The following ITGA8 variants were observed in gnomAD, a reference collection of about 807,000 sequenced individuals.
The protein encoded by ITGA8 is integrin subunit alpha 8.
Under a neutral mutation model 142.3 loss-of-function variants are expected in ITGA8, and 91 were observed. The observed-to-expected ratio is 0.64, with a 90% CI of 0.54 to 0.76. ITGA8 has a LOEUF of 0.76. Among genes scored for constraint, ITGA8 ranks in the 30% least tolerant of loss-of-function variants. The probability of loss-of-function intolerance (pLI) is 0.00; values close to 1 mark genes in which losing one functional copy is unlikely to be tolerated. For missense variants in ITGA8, 1,406 were observed against 1,327.7 expected (o/e 1.06, Z -0.92); for synonymous variants, 505 against 485.2 (o/e 1.04, Z -0.54).
At chr10:15,696,778 A>C (rs1331243358) in intron 2 of ITGA8, among the ~76,000 whole-genome samples, 1 of 149,220 alleles carries the variant, frequency 6.7e-6, no homozygotes, top group Non-Finnish European at 1.5e-5. Flanking sequence ...GGATCGCTTG[A>C]GGCAGGAGTT....
intron 23 of ITGA8, among the ~76,000 whole-genome samples, chr10:15,582,095 T>A (rs1426843796): frequency 6.6e-6 from 1 of 152,094 alleles, no homozygotes; most frequent in Non-Finnish European, 1.5e-5. Flanking sequence ...AAACATTAAC[T>A]CAGCATGGTG....
chr10:15,553,494 A>T (rs1235582693), intron 26 of ITGA8, among the ~76,000 whole-genome samples: 2 of 152,174 alleles, frequency 1.3e-5, no homozygotes, highest in African/African-American at 2.4e-5. Context: ...CACACCTTTT[A>T]AAGCCATTTT....
chr10:15,706,247 C>T (rs889166437), intron 2 of ITGA8, among the ~76,000 whole-genome samples: 1 of 152,096 alleles, frequency 6.6e-6, no homozygotes, highest in Non-Finnish European at 1.5e-5. Context: ...CACTCTTCAT[C>T]TGATCCATAA....
chr10:15,613,641 A>G lies in ITGA8; in HGVS notation c.1553+19T>C. 1 of 1,501,038 alleles carries G rather than the reference A, an allele frequency of 6.7e-7. No homozygotes were observed. The highest frequency in any genetic ancestry group is 9.3e-7 in the Non-Finnish European group (1 of 1,077,426). 93.0% of individuals were successfully genotyped at this position (1,501,038 alleles called of 1,614,324 possible). On this transcript the variant is annotated intron_variant, in intron 15 of 29. Coordinates refer to ENST00000378076, the MANE Select transcript of ITGA8 (RefSeq NM_003638.3). ...ATGTGAATTCACATTGGAGTTTGAGAAGCACCGGACTAACTCACCAGGCAG... is the reference window on the plus strand; with the variant it reads ...ATGTGAATTCACATTGGAGTTTGAGGAGCACCGGACTAACTCACCAGGCAG...
At chr10:15,535,039 TCC>T (rs1235006346) in intron 27 of ITGA8, among the ~76,000 whole-genome samples, 2 of 152,074 alleles carry the variant, frequency 1.3e-5, no homozygotes, top group Non-Finnish European at 2.9e-5. Flanking sequence ...CAGTGTGAGT[TCC>T]GCGGGTGAGT....
At chr10:15,664,368 T>C (rs1253199240) in intron 8 of ITGA8, among the ~76,000 whole-genome samples, 1 of 152,134 alleles carries the variant, frequency 6.6e-6, no homozygotes, top group Non-Finnish European at 1.5e-5. Flanking sequence ...AAAATGTTCT[T>C]TCAAAGGAAA....
At chr10:15,717,093 A>C (rs1646022304) in intron 2 of ITGA8, among the ~76,000 whole-genome samples, 1 of 152,218 alleles carries the variant, frequency 6.6e-6, no homozygotes, top group South Asian at 2.1e-4. Context: ...GAGTACTTAC[A>C]AAGTAAGTCA....
At chr10:15,703,914 A>G (rs991278425) in intron 2 of ITGA8, among the ~76,000 whole-genome samples, 1 of 152,078 alleles carries the variant, frequency 6.6e-6, no homozygotes, top group Non-Finnish European at 1.5e-5. Flanking sequence ...AGCCTTCTTC[A>G]CTTTCTGCTG....
chr10:15,678,143 T>C (rs1834667057), intron 5 of ITGA8, among the ~76,000 whole-genome samples: 1 of 152,076 alleles, frequency 6.6e-6, no homozygotes, highest in Admixed American at 6.6e-5. Context: ...TCACCTTTCG[T>C]GCCTCATATC....
At chr10:15,605,221 AAGCCCT>A (rs1833172966) in intron 19 of ITGA8, among the ~76,000 whole-genome samples, 1 of 152,162 alleles carries the variant, frequency 6.6e-6, no homozygotes, top group African/African-American at 2.4e-5. Flanking sequence ...GGCAACTGTG[AAGCCCT>A]TTGATTCGTT....
intron 2 of ITGA8, among the ~76,000 whole-genome samples, chr10:15,709,412 A>T (rs368619868): frequency 6.3e-4 from 96 of 152,358 alleles, no homozygotes; most frequent in African/African-American, 2.1e-3. Context: ...GGCGCACCCC[A>T]GAAGAAATGC....
chr10:15,535,945 C>A (rs975524096), intron 27 of ITGA8, among the ~76,000 whole-genome samples: 1 of 152,080 alleles, frequency 6.6e-6, no homozygotes, highest in Non-Finnish European at 1.5e-5. Context: ...CACAAACCCA[C>A]CGGGAGGAAC....
At chr10:15,667,058 T>C (rs1353460923) in intron 8 of ITGA8, among the ~76,000 whole-genome samples, 10 of 152,216 alleles carry the variant, frequency 6.6e-5, no homozygotes, top group Admixed American at 2.0e-4. Context: ...GGATTCCCTC[T>C]TTTTCTATTG....
chr10:15,663,131 G>GT (rs55721254), intron 8 of ITGA8, among the ~76,000 whole-genome samples: 104,895 of 151,934 alleles, frequency 0.69, 37,462 homozygotes, highest in South Asian at 0.85. Context: ...AGTGCTCACT[G>GT]TTTTTTAAAA....
intron 4 of ITGA8, among the ~76,000 whole-genome samples, chr10:15,679,836 A>AG (rs1169539562): frequency 1.3e-5 from 2 of 152,200 alleles, no homozygotes; most frequent in Non-Finnish European, 2.9e-5. Context: ...AAAAGTCTGT[A>AG]GGGCATTAGG....
At position 15,677,652 on chromosome 10, in the gene ITGA8, C is replaced by A; in HGVS notation, c.631-15G>T. 5 of 1,607,508 alleles carry A rather than the reference C, an allele frequency of 3.1e-6. No individual in the cohort carries two copies. Among genetic ancestry groups the A allele is most frequent in the Non-Finnish European group, 4.2e-6 (5 of 1,176,734 alleles). On this transcript the variant is annotated splice_polypyrimidine_tract_variant and intron_variant, in intron 5 of 29. Transcript: ENST00000378076. ...AGGTCTCCATTCTACAAAACAGAAA[C>A]AGCAACAGCAACCATAATTGGAAAA...
At chr10:15,638,589 A>C (rs919255574) in intron 13 of ITGA8, among the ~76,000 whole-genome samples, 7 of 152,236 alleles carry the variant, frequency 4.6e-5, no homozygotes, top group Non-Finnish European at 8.8e-5. Flanking sequence ...CAACCCCATC[A>C]TAACCCCATC....
intron 15 of ITGA8, among the ~76,000 whole-genome samples, chr10:15,609,128 C>T: frequency 6.6e-6 from 1 of 152,194 alleles, no homozygotes; most frequent in South Asian, 2.1e-4. Flanking sequence ...ATGATCTGCA[C>T]TTGGCTTTGG....
Position 15,516,393 on chromosome 10 carries a change from A to C in ITGA8, c.*765T>G, listed in dbSNP as rs1832961588. 1 of 152,222 alleles carries C rather than the reference A, an allele frequency of 6.6e-6. No individual in the cohort carries two copies. Among genetic ancestry groups the C allele is most frequent in the South Asian group, 2.1e-4 (1 of 4,838 alleles). 9.4% of individuals were successfully genotyped at this position (152,222 alleles called of 1,614,324 possible). A position where few individuals can be genotyped will look rare whatever the true frequency, so the allele number is the denominator to read the frequency against. Reference sequence around the variant, plus strand: ...TAAATAGAACTGATTCCTAATGCCAATCTTCCTTTCCTTAGCACTGTCTAA... The same window carrying C: ...TAAATAGAACTGATTCCTAATGCCACTCTTCCTTTCCTTAGCACTGTCTAA... On this transcript the variant is annotated 3_prime_UTR_variant, in exon 30 of 30. Coordinates refer to ENST00000378076, the MANE Select transcript of ITGA8 (RefSeq NM_003638.3).
Sources: gnomAD v4.1 joint callset for allele counts (sites outside exome capture counted in the v4.1 genomes callset) on GRCh38, gnomAD v4.1.1 for gene constraint, MANE v1.5 for transcripts, NCBI Gene and HGNC (gene_info 2026-07-23, HGNC 2026-07-21) for gene names.